PLAAT5: variants seen among roughly 807,000 people sequenced by gnomAD.
PLAAT5 encodes phospholipase A and acyltransferase 5.
In PLAAT5, 27 loss-of-function variants were observed where a neutral mutation model predicts 27.8. The observed-to-expected ratio is 0.97, with a 90% CI of 0.72 to 1.34. The LOEUF (loss-of-function observed/expected upper bound fraction) is 1.34. Ranked by LOEUF, PLAAT5 falls within the 40% of genes most tolerant of loss-of-function variation. The probability of loss-of-function intolerance (pLI) is 0.00; values close to 1 mark genes in which losing one functional copy is unlikely to be tolerated. For missense variants in PLAAT5, 368 were observed against 343.8 expected (o/e 1.07, Z -0.56); for synonymous variants, 125 against 136.1 (o/e 0.92, Z 0.57).
At chr11:63,472,409 C>T (rs919783914) in intron 3 of PLAAT5, among the ~76,000 whole-genome samples, 1 of 152,178 alleles carries the variant, frequency 6.6e-6, no homozygotes, top group East Asian at 1.9e-4. Context: ...GCTTAACCAA[C>T]GTTGTTCTTT....
Position 63,471,896 on chromosome 11 carries a change from T to C in PLAAT5, c.346-3431A>G, listed in dbSNP as rs575257646. On this transcript the variant is annotated intron_variant, in intron 3 of 5. Transcript: ENST00000540857. ...TGAGATCATGTCCTTTGCAGGGACATGGTTGGAGCTGGAAGCCGTTATCCT... is the reference window on the plus strand; with the variant it reads ...TGAGATCATGTCCTTTGCAGGGACACGGTTGGAGCTGGAAGCCGTTATCCT... Among the ~76,000 whole-genome samples the C allele has an allele frequency of 2.6e-5, 4 of 152,248 alleles. No individual in the cohort carries two copies. In the East Asian group the frequency reaches 7.7e-4, roughly 29 times the overall value.
chr11:63,486,644 T>A (rs2016441207), intron 3 of PLAAT5, among the ~76,000 whole-genome samples: 1 of 152,086 alleles, frequency 6.6e-6, no homozygotes, highest in Non-Finnish European at 1.5e-5. Flanking sequence ...TGTAATCAAC[T>A]TTAGGGACTC....
intron 3 of PLAAT5, among the ~76,000 whole-genome samples, chr11:63,471,332 T>C (rs1282568645): frequency 3.3e-5 from 5 of 150,486 alleles, no homozygotes; most frequent in African/African-American, 5.0e-5. Flanking sequence ...AACAGAAGAC[T>C]TTTTTTGAAG....
rs34013443 is a variant in PLAAT5, at chr11:63,469,103, C to CGTGTGTGT, written c.346-646_346-639dup. Among the ~76,000 whole-genome samples the CGTGTGTGT allele has an allele frequency of 5.4e-3, 728 of 134,418 alleles. 6 individuals carry two copies. The highest frequency in any genetic ancestry group is 0.014 in the African/African-American group (463 of 34,250). The allele number at this position is 134,418 out of a possible 152,430, so 88.2% of individuals were successfully genotyped here. A position where few individuals can be genotyped will look rare whatever the true frequency, so the allele number is the denominator to read the frequency against. On this transcript the variant is annotated intron_variant, in intron 3 of 5. Transcript: ENST00000540857. Reference sequence around the variant, plus strand: ...CAGCAAATGCAAACTTCTCTATTATCGTGTGTGTGTGTGTGTGTGTGTGTG... The same window carrying CGTGTGTGT: ...CAGCAAATGCAAACTTCTCTATTATCGTGTGTGTGTGTGTGTGTGTGTGTGTGTGTGTG...
rs141584959 is a variant in PLAAT5, at chr11:63,478,478, C to G, written c.346-10013G>C. Among the ~76,000 whole-genome samples, 634 of 152,294 alleles carry G rather than the reference C, an allele frequency of 4.2e-3. 40 individuals carry two copies. In the East Asian group the frequency reaches 0.12, roughly 28 times the overall value. ...CTGGGACTACAGGCTCGCGCCACCA[C>G]GCCCTGCTGATTTTTTGTATTTTTA... is the stretch of plus-strand genomic sequence containing the variant. On this transcript the variant is annotated intron_variant, in intron 3 of 5. Transcript: ENST00000540857.
chr11:63,482,740 T>C (rs1268805051), intron 3 of PLAAT5, among the ~76,000 whole-genome samples: 1 of 152,090 alleles, frequency 6.6e-6, no homozygotes, highest in Admixed American at 6.5e-5. Context: ...AGCACAATGA[T>C]TAAAACAGCA....
intron 3 of PLAAT5, among the ~76,000 whole-genome samples, chr11:63,480,579 T>A (rs60484516): frequency 0.024 from 3,714 of 152,296 alleles, 152 homozygotes; most frequent in African/African-American, 0.086. Flanking sequence ...TATTGAGTAT[T>A]GATTCTCAGC....
At chr11:63,490,765 A>T in intron 1 of PLAAT5, 122 bp downstream of exon 1, 3 of 951,334 alleles carry the variant, frequency 3.2e-6, no homozygotes, top group Non-Finnish European at 4.6e-6. Flanking sequence ...ATACTCGCTC[A>T]TGATGGCTAA....
chr11:63,465,984 T>C lies in PLAAT5; in HGVS notation c.717+126A>G, dbSNP rs2015850481. 5 of 980,214 alleles carry C rather than the reference T, an allele frequency of 5.1e-6. No homozygotes were observed. In the East Asian group the frequency reaches 1.0e-4, roughly 20 times the overall value. The allele number at this position is 980,214 out of a possible 1,614,324, so 60.7% of individuals were successfully genotyped here. A position where few individuals can be genotyped will look rare whatever the true frequency, so the allele number is the denominator to read the frequency against. The stretch of plus-strand genomic sequence containing the variant: ...CCTGAACCATAAAGTCCTGCAGAAA[T>C]AGAAGGCCCTACTAGTATAACGAAT... On this transcript the variant is annotated intron_variant, in intron 5 of 5. Coordinates refer to ENST00000540857, the MANE Select transcript of PLAAT5 (RefSeq NM_001146729.2).
At chr11:63,473,822 C>T (rs922316416) in intron 3 of PLAAT5, among the ~76,000 whole-genome samples, 2 of 150,860 alleles carry the variant, frequency 1.3e-5, no homozygotes, top group Non-Finnish European at 2.9e-5. Context: ...AAGTGATTCT[C>T]GTGCCTCAGC....
chr11:63,479,195 T>C (rs1299396755), intron 3 of PLAAT5, among the ~76,000 whole-genome samples: 3 of 152,170 alleles, frequency 2.0e-5, no homozygotes, highest in Non-Finnish European at 4.4e-5. Flanking sequence ...TGTAGATGGA[T>C]ACAGAGGAGC....
At chr11:63,487,563 A>G (rs1207693924) in intron 3 of PLAAT5, among the ~76,000 whole-genome samples, 2 of 152,158 alleles carry the variant, frequency 1.3e-5, no homozygotes, top group East Asian at 3.9e-4. Context: ...GCCCCAAAAA[A>G]GAAAAAAAAA....
intron 3 of PLAAT5, among the ~76,000 whole-genome samples, chr11:63,487,892 T>A (rs185391954): frequency 8.8e-4 from 134 of 152,334 alleles, no homozygotes; most frequent in African/African-American, 3.1e-3. Context: ...ATGCCTGTAA[T>A]CCCAACACTT....
intron 3 of PLAAT5, among the ~76,000 whole-genome samples, chr11:63,488,321 CTT>C (rs1010520547): frequency 6.6e-5 from 10 of 152,034 alleles, no homozygotes; most frequent in Admixed American, 2.0e-4. Flanking sequence ...CACAAAGAAA[CTT>C]TTGTAAATGA....
intron 3 of PLAAT5, among the ~76,000 whole-genome samples, chr11:63,484,333 TAA>T (rs201141767): frequency 7.3e-6 from 1 of 137,584 alleles, no homozygotes; most frequent in Non-Finnish European, 1.6e-5. Context: ...GGAAAGGACA[TAA>T]AAAAAAAAAG....
rs532695210 is a variant in PLAAT5, at chr11:63,463,641, C to G, written c.718-46G>C. 2.7e-4 allele frequency: 406 copies of G among 1,489,942 alleles called. 1 individual carries two copies. In the South Asian group the frequency reaches 4.3e-3, roughly 16 times the overall value. 92.3% of individuals were successfully genotyped at this position (1,489,942 alleles called of 1,614,324 possible). A position where few individuals can be genotyped will look rare whatever the true frequency, so the allele number is the denominator to read the frequency against. The stretch of plus-strand genomic sequence containing the variant: ...CAGGACAATCAGTACCAATCCTAGG[C>G]TTGCACCCTCCCCTACCTCCACCCC... On this transcript the variant is annotated intron_variant, in intron 5 of 5. Transcript: ENST00000540857.
chr11:63,470,734 C>G, intron 3 of PLAAT5: 1 of 152,242 alleles, frequency 6.6e-6, no homozygotes. Flanking sequence ...AGCATTTATA[C>G]TTTAGAAAAA....
chr11:63,483,915 A>T (rs2016372483), intron 3 of PLAAT5, among the ~76,000 whole-genome samples: 1 of 144,970 alleles, frequency 6.9e-6, no homozygotes, highest in Non-Finnish European at 1.5e-5. Flanking sequence ...CATTAATGAG[A>T]TTAACCAAGA....
chr11:63,486,358 A>G (rs534028870), intron 3 of PLAAT5, among the ~76,000 whole-genome samples: 27 of 152,314 alleles, frequency 1.8e-4, no homozygotes, highest in African/African-American at 6.5e-4. Context: ...ACAATTCACA[A>G]CTGCAAAAAT....
Sources: gnomAD v4.1 joint callset for allele counts (sites outside exome capture counted in the v4.1 genomes callset) on GRCh38, gnomAD v4.1.1 for gene constraint, MANE v1.5 for transcripts, NCBI Gene and HGNC (gene_info 2026-07-23, HGNC 2026-07-21) for gene names.